Variants in GRM7 observed in about 807,000 individuals in gnomAD.
GRM7 encodes the protein glutamate metabotropic receptor 7, also known as metabotropic glutamate receptor 7.
In GRM7, 35 loss-of-function variants were observed where a neutral mutation model predicts 84.5. The observed-to-expected ratio is 0.41, with a 90% CI of 0.32 to 0.55. GRM7 has a LOEUF of 0.55. GRM7 is among the 20% of genes least tolerant of loss of function. The pLI, the probability that GRM7 is intolerant of heterozygous loss-of-function variation, is 0.19. For synonymous variants in GRM7, 487 were observed against 455.1 expected (o/e 1.07, Z -0.89); for missense variants, 1,003 against 1,194.6 (o/e 0.84, Z 2.36).
chr3:7,695,930 A>G (rs1700998208), intron 9 of GRM7, among the ~76,000 whole-genome samples: 1 of 152,218 alleles, frequency 6.6e-6, no homozygotes, highest in East Asian at 1.9e-4. Flanking sequence ...TGAGAATTAA[A>G]TAATCTTAAA....
chr3:7,690,641 A>C (rs1210715436), intron 9 of GRM7, among the ~76,000 whole-genome samples: 2 of 152,180 alleles, frequency 1.3e-5, no homozygotes, highest in African/African-American at 4.8e-5. Context: ...TAAACCAACG[A>C]AGTTTTATGC....
At chr3:7,634,241 G>A (rs1166216914) in intron 8 of GRM7, among the ~76,000 whole-genome samples, 2 of 152,160 alleles carry the variant, frequency 1.3e-5, no homozygotes, top group South Asian at 2.1e-4. Context: ...GCTAAAGCAA[G>A]TAGTTTGCTA....
intron 7 of GRM7, among the ~76,000 whole-genome samples, chr3:7,470,624 G>T (rs1168205216): frequency 6.6e-6 from 1 of 152,088 alleles, no homozygotes; most frequent in African/African-American, 2.4e-5. Flanking sequence ...GGGCATTCAA[G>T]CAAATCACTT....
chr3:7,473,523 AGAGAGAG>A (rs1698796807), intron 7 of GRM7, among the ~76,000 whole-genome samples: 1 of 151,618 alleles, frequency 6.6e-6, no homozygotes, highest in Admixed American at 6.6e-5. Context: ...AGAGAGAGAG[AGAGAGAG>A]AAACACCTTG....
intron 1 of GRM7, among the ~76,000 whole-genome samples, chr3:6,883,247 T>C (rs950683516): frequency 9.2e-5 from 14 of 152,156 alleles, no homozygotes; most frequent in African/African-American, 3.4e-4. Context: ...TTATTCACAT[T>C]GATTTACAAT....
chr3:7,709,160 G>A (rs1438609778), intron 9 of GRM7, among the ~76,000 whole-genome samples: 1 of 152,008 alleles, frequency 6.6e-6, no homozygotes, highest in Non-Finnish European at 1.5e-5. Flanking sequence ...TATTAGACAG[G>A]ATAGTATCCA....
intron 7 of GRM7, among the ~76,000 whole-genome samples, chr3:7,511,701 G>A (rs764208597): frequency 3.9e-5 from 6 of 152,162 alleles, no homozygotes; most frequent in Admixed American, 1.3e-4. Flanking sequence ...TTTTAATAAA[G>A]CTGTCCTGGA....
intron 7 of GRM7, among the ~76,000 whole-genome samples, chr3:7,565,879 T>G (rs1678019169): frequency 6.6e-6 from 1 of 152,182 alleles, no homozygotes; most frequent in African/African-American, 2.4e-5. Context: ...TCCTGGCAAG[T>G]CAGCCAGGTC....
rs150443766 is a variant in GRM7, at chr3:7,350,685, A to T, written c.1033+44033A>T. Among the ~76,000 whole-genome samples the T allele has an allele frequency of 1.4e-4, 22 of 152,284 alleles. No homozygotes were observed. In the East Asian group the frequency reaches 4.3e-3, roughly 29 times the overall value. Reference sequence around the variant, plus strand: ...GGTCATACCACCAAGGATAATCCATAACTATATATTACTTTGGATCTTTTT... The same window carrying T: ...GGTCATACCACCAAGGATAATCCATTACTATATATTACTTTGGATCTTTTT... On this transcript the variant is annotated intron_variant, in intron 4 of 9. Coordinates refer to ENST00000357716, the MANE Select transcript of GRM7 (RefSeq NM_000844.4).
At chr3:7,460,091 TA>T (rs1295492086) in intron 6 of GRM7, among the ~76,000 whole-genome samples, 15 of 68,916 alleles carry the variant, frequency 2.2e-4, no homozygotes, top group Non-Finnish European at 3.5e-4. Flanking sequence ...AAAGTATGCT[TA>T]AAATAGTAAA....
chr3:7,471,750 A>G (rs1290053817), intron 7 of GRM7, among the ~76,000 whole-genome samples: 4 of 152,214 alleles, frequency 2.6e-5, no homozygotes, highest in African/African-American at 7.2e-5. Context: ...CAAAAATTAG[A>G]ACATAGACAT....
In GRM7 at chr3:7,367,707, T is replaced by C. The variant is rs115571263; in HGVS notation, c.1034-47316T>C. Reference sequence around the variant, plus strand: ...TTAACAGTGTAGTGTGGAATGGTAGTTCTAGGAGAGAAGGAGAAAAAAAAA... The same window carrying C: ...TTAACAGTGTAGTGTGGAATGGTAGCTCTAGGAGAGAAGGAGAAAAAAAAA... On this transcript the variant is annotated intron_variant, in intron 4 of 9. Coordinates refer to ENST00000357716, the MANE Select transcript of GRM7 (RefSeq NM_000844.4). Among the ~76,000 whole-genome samples the C allele has an allele frequency of 2.5e-3, 386 of 151,736 alleles. 1 individual carries two copies. Among genetic ancestry groups the C allele is most frequent in the African/African-American group, 8.9e-3 (367 of 41,456 alleles).
intron 2 of GRM7, among the ~76,000 whole-genome samples, chr3:7,166,317 C>T (rs1694797121): frequency 6.6e-6 from 1 of 152,142 alleles, no homozygotes; most frequent in Non-Finnish European, 1.5e-5. Flanking sequence ...TTTTTCAGAA[C>T]AGAAACATTA....
chr3:7,656,217 C>T (rs966567425), intron 8 of GRM7, among the ~76,000 whole-genome samples: 3 of 152,126 alleles, frequency 2.0e-5, no homozygotes, highest in Non-Finnish European at 2.9e-5. Context: ...TGGCTGGGCG[C>T]GATGGCTCAC....
chr3:7,230,369 T>C (rs891646884), intron 2 of GRM7, among the ~76,000 whole-genome samples: 2 of 152,166 alleles, frequency 1.3e-5, no homozygotes, highest in Non-Finnish European at 2.9e-5. Flanking sequence ...GGTCACATAC[T>C]GCTAGGTTTT....
intron 1 of GRM7, among the ~76,000 whole-genome samples, chr3:6,983,569 T>C (rs1039129746): frequency 3.3e-5 from 5 of 152,284 alleles, no homozygotes; most frequent in African/African-American, 1.2e-4. Flanking sequence ...ATAATTTTCT[T>C]ACATAAAATG....
At chr3:7,224,164 G>A (rs1399642735) in intron 2 of GRM7, among the ~76,000 whole-genome samples, 6 of 152,188 alleles carry the variant, frequency 3.9e-5, no homozygotes, top group Non-Finnish European at 8.8e-5. Flanking sequence ...TCTGCAGGCT[G>A]TACAGGAAGC....
intron 1 of GRM7, among the ~76,000 whole-genome samples, chr3:7,097,881 AC>A (rs1452820846): frequency 6.6e-6 from 1 of 152,096 alleles, no homozygotes; most frequent in Non-Finnish European, 1.5e-5. Flanking sequence ...CATTTGCCAT[AC>A]CTTTGACTTG....
At chr3:7,420,543 T>C (rs890650207) in intron 5 of GRM7, among the ~76,000 whole-genome samples, 10 of 152,190 alleles carry the variant, frequency 6.6e-5, no homozygotes, top group Non-Finnish European at 1.5e-4. Flanking sequence ...ATTTCATCTC[T>C]GTGAGCATGC....
Sources: allele counts gnomAD v4.1 joint callset (sites outside exome capture counted in the v4.1 genomes callset), GRCh38; gene constraint gnomAD v4.1.1; transcripts MANE v1.5; gene names NCBI Gene and HGNC (gene_info 2026-07-23, HGNC 2026-07-21).